The following PXDNL variants were observed in gnomAD, a reference collection of about 807,000 sequenced individuals.
PXDNL encodes the protein probable oxidoreductase PXDNL.
A neutral mutation model predicts 150.8 loss-of-function variants in PXDNL; 145 were observed. That is an observed-to-expected ratio of 0.96 (90% confidence interval 0.84 to 1.10). The LOEUF (loss-of-function observed/expected upper bound fraction) is 1.10. Ranked by LOEUF, PXDNL falls within the 50% of genes least tolerant of loss-of-function variation. The pLI is 0.00. For missense variants in PXDNL, 2,087 were observed against 1,873.9 expected, an observed-to-expected ratio of 1.11 and a Z score of -2.10; for synonymous variants, 757 against 725.7, an observed-to-expected ratio of 1.04 and a Z score of -0.69.
intron 1 of PXDNL, among the ~76,000 whole-genome samples, chr8:51,705,540 G>C (rs552101469): frequency 6.6e-6 from 1 of 152,250 alleles, no homozygotes; most frequent in Non-Finnish European, 1.5e-5. Flanking sequence ...GAAAGAGTAG[G>C]AGAAAGAGAA....
At chr8:51,474,911 T>C in intron 7 of PXDNL, 61 bp downstream of exon 7, 1 of 1,373,976 alleles carries the variant, frequency 7.3e-7, no homozygotes, top group Non-Finnish European at 9.9e-7. Flanking sequence ...TAATAAACCT[T>C]TACAAAAAGA....
chr8:51,421,034 T>A (rs139131904), intron 14 of PXDNL, among the ~76,000 whole-genome samples: 246 of 152,280 alleles, frequency 1.6e-3, no homozygotes, highest in African/African-American at 5.8e-3. Context: ...ATTAGTTAAA[T>A]TTCTGTTAAA....
At chr8:51,564,440 G>T (rs78535286) in intron 3 of PXDNL, among the ~76,000 whole-genome samples, 3,654 of 151,794 alleles carry the variant, frequency 0.024, 157 homozygotes, top group African/African-American at 0.083. Context: ...GTCACAGACG[G>T]TTGGTTCACA....
chr8:51,327,945 G>C (rs79490783), intron 21 of PXDNL, among the ~76,000 whole-genome samples: 4,801 of 152,326 alleles, frequency 0.032, 242 homozygotes, highest in African/African-American at 0.11. Context: ...ACTGAGCATT[G>C]AGCCATACTG....
At chr8:51,795,614 A>G (rs2037552373) in intron 1 of PXDNL, among the ~76,000 whole-genome samples, 1 of 152,232 alleles carries the variant, frequency 6.6e-6, no homozygotes, top group South Asian at 2.1e-4. Context: ...CACAGAGACA[A>G]TGTACCACAA....
At chr8:51,645,661 T>A (rs10958293) in intron 2 of PXDNL, among the ~76,000 whole-genome samples, 102,348 of 152,018 alleles carry the variant, frequency 0.67, 35,161 homozygotes, top group Non-Finnish European at 0.74. Context: ...GAGATTAGAA[T>A]GACTTTAATA....
At chr8:51,741,783 G>A (rs1356670590) in intron 1 of PXDNL, among the ~76,000 whole-genome samples, 1 of 152,174 alleles carries the variant, frequency 6.6e-6, no homozygotes, top group Non-Finnish European at 1.5e-5. Flanking sequence ...TTACTCACAC[G>A]TCGCTGGTGG....
intron 10 of PXDNL, 73 bp from the exon 11 acceptor site, chr8:51,449,191 A>G: frequency 1.3e-6 from 1 of 765,124 alleles, no homozygotes; most frequent in Non-Finnish European, 2.2e-6. Flanking sequence ...AAAAAAGAAA[A>G]TGTCTTCAAA....
chr8:51,445,070 C>T (rs1554541186), intron 12 of PXDNL, among the ~76,000 whole-genome samples: 1 of 152,008 alleles, frequency 6.6e-6, no homozygotes, highest in Non-Finnish European at 1.5e-5. Context: ...CAGGCACATG[C>T]CACCATGCCT....
At chr8:51,720,995 G>A (rs936483031) in intron 1 of PXDNL, among the ~76,000 whole-genome samples, 6 of 152,170 alleles carry the variant, frequency 3.9e-5, no homozygotes, top group Non-Finnish European at 8.8e-5. Flanking sequence ...CAGGATATCC[G>A]TGGCTCTTCC....
intron 1 of PXDNL, among the ~76,000 whole-genome samples, chr8:51,668,641 A>G (rs895177940): frequency 6.6e-6 from 1 of 152,214 alleles, no homozygotes; most frequent in Non-Finnish European, 1.5e-5. Context: ...AGAGGATCCA[A>G]TCATAATTCA....
intron 2 of PXDNL, among the ~76,000 whole-genome samples, chr8:51,601,778 G>C (rs1226983900): frequency 6.6e-6 from 1 of 150,454 alleles, no homozygotes; most frequent in Non-Finnish European, 1.5e-5. Context: ...TATTTGCTTT[G>C]TAGTAGTTTC....
At chr8:51,749,905 T>C (rs1224752525) in intron 1 of PXDNL, among the ~76,000 whole-genome samples, 3 of 152,210 alleles carry the variant, frequency 2.0e-5, no homozygotes, top group African/African-American at 7.2e-5. Context: ...TTCACCATGT[T>C]GGCCAGGATG....
chr8:51,701,107 T>C (rs1276548457), intron 1 of PXDNL, among the ~76,000 whole-genome samples: 1 of 152,084 alleles, frequency 6.6e-6, no homozygotes, highest in African/African-American at 2.4e-5. Flanking sequence ...AACATTGTCT[T>C]TTTTTTCTCA....
At chr8:51,659,347 A>G (rs1815220584) in intron 1 of PXDNL, among the ~76,000 whole-genome samples, 1 of 151,990 alleles carries the variant, frequency 6.6e-6, no homozygotes, top group African/African-American at 2.4e-5. Context: ...TGTCTCCTCT[A>G]CTCTCCCCAG....
At chr8:51,678,774 G>A (rs957581341) in intron 1 of PXDNL, among the ~76,000 whole-genome samples, 13 of 152,082 alleles carry the variant, frequency 8.5e-5, no homozygotes, top group African/African-American at 1.2e-4. Flanking sequence ...GCTAGATGAC[G>A]AGTTAATGGG....
intron 17 of PXDNL, among the ~76,000 whole-genome samples, chr8:51,375,806 A>AGCCAGTAT (rs1324974885): frequency 6.6e-6 from 1 of 152,216 alleles, no homozygotes; most frequent in African/African-American, 2.4e-5. Context: ...AGGGCCAGAG[A>AGCCAGTAT]GCCAGTATTT....
intron 2 of PXDNL, among the ~76,000 whole-genome samples, chr8:51,613,494 G>A (rs1414387356): frequency 2.9e-5 from 3 of 104,018 alleles, no homozygotes; most frequent in Admixed American, 2.3e-4. Context: ...CGGGGGGGGG[G>A]CAGGGCGGCA....
In PXDNL at chr8:51,319,880, C is replaced by T; in HGVS notation, c.*11G>A. 6.6e-7 allele frequency: 1 copy of T among 1,503,768 alleles called. No homozygotes were observed. The highest frequency in any genetic ancestry group is 8.9e-7 in the Non-Finnish European group (1 of 1,126,644). 93.2% of individuals were successfully genotyped at this position (1,503,768 alleles called of 1,614,324 possible). ...ATTTCCCATTTGGGGCTCAACAGCA[C>T]AAAACTTTTATTAGCGCTTCTCTGG... On this transcript the variant is annotated 3_prime_UTR_variant, in exon 23 of 23. Transcript: ENST00000356297.
Sources: gnomAD v4.1 joint callset for allele counts (sites outside exome capture counted in the v4.1 genomes callset) on GRCh38, gnomAD v4.1.1 for gene constraint, MANE v1.5 for transcripts, NCBI Gene and HGNC (gene_info 2026-07-23, HGNC 2026-07-21) for gene names.